HDAC9: variants seen among roughly 807,000 people sequenced by gnomAD.
HDAC9 encodes the protein histone deacetylase 9, also known as MEF-2 interacting transcription repressor (MITR) protein.
HDAC9 carries 41 observed loss-of-function variants against 139.4 expected under a neutral mutation model. That is an observed-to-expected ratio of 0.29 (90% CI 0.23 to 0.38). The LOEUF is 0.38. Among genes scored for constraint, HDAC9 ranks in the 10% least tolerant of loss-of-function variants. HDAC9 has a pLI of 1.00. For missense variants in HDAC9, 1,147 were observed against 1,297.0 expected (o/e 0.88, Z 1.78); for synonymous variants, 517 against 476.2 (o/e 1.09, Z -1.12).
At chr7:18,557,111 G>T (rs1819039125) in intron 2 of HDAC9, among the ~76,000 whole-genome samples, 1 of 151,980 alleles carries the variant, frequency 6.6e-6, no homozygotes, top group Non-Finnish European at 1.5e-5. Context: ...TATAAGTTAG[G>T]AGACAAGGTT....
chr7:18,801,671 C>T (rs184134689), intron 17 of HDAC9, among the ~76,000 whole-genome samples: 12 of 152,056 alleles, frequency 7.9e-5, no homozygotes, highest in Admixed American at 5.9e-4. Flanking sequence ...GTTTTCTCAA[C>T]GTTTGGTAAA....
At chr7:18,886,468 A>G (rs573646926) in intron 22 of HDAC9, among the ~76,000 whole-genome samples, 2 of 152,320 alleles carry the variant, frequency 1.3e-5, no homozygotes, top group South Asian at 4.1e-4. Flanking sequence ...ACTTTTTCAT[A>G]TTTTGACATA....
upstream of HDAC9, among the ~76,000 whole-genome samples, chr7:18,493,849 C>T (rs547955899): frequency 4.3e-4 from 65 of 151,924 alleles, no homozygotes; most frequent in Non-Finnish European, 8.1e-4. Context: ...TGGAGCTCCC[C>T]TGGTTCCACG....
intron 12 of HDAC9, among the ~76,000 whole-genome samples, chr7:18,711,522 G>C (rs938483738): frequency 3.9e-5 from 6 of 152,146 alleles, no homozygotes; most frequent in South Asian, 2.1e-4. Context: ...TCTTCCTCGA[G>C]GGAGTCTTGC....
chr7:18,662,915 G>A (rs140863590), intron 11 of HDAC9, among the ~76,000 whole-genome samples: 3 of 152,018 alleles, frequency 2.0e-5, no homozygotes, highest in Non-Finnish European at 2.9e-5. Flanking sequence ...AGCTGCTTGG[G>A]TTTGGCAGAG....
At chr7:18,287,049 C>A (rs1447843382), upstream of HDAC9, among the ~76,000 whole-genome samples, 1 of 152,102 alleles carries the variant, frequency 6.6e-6, no homozygotes, top group Non-Finnish European at 1.5e-5. Flanking sequence ...TACATCTGAT[C>A]TTTAACTAGT....
At chr7:18,296,257 T>A (rs1190951617) in intron 1 of HDAC9, among the ~76,000 whole-genome samples, 1 of 152,232 alleles carries the variant, frequency 6.6e-6, no homozygotes, top group Non-Finnish European at 1.5e-5. Context: ...GGCTTCCTTA[T>A]GCAAAGTTAG....
At chr7:18,880,269 A>G (rs1020737613) in intron 22 of HDAC9, among the ~76,000 whole-genome samples, 2 of 152,196 alleles carry the variant, frequency 1.3e-5, no homozygotes, top group African/African-American at 4.8e-5. Context: ...AAGAGCTAAA[A>G]GTACAACCAC....
chr7:18,727,668 G>A lies in HDAC9; in HGVS notation c.1820G>A (p.Arg607His), dbSNP rs752243588. 5 of 1,591,676 alleles carry A rather than the reference G, an allele frequency of 3.1e-6. No individual in the cohort carries two copies. Among genetic ancestry groups the A allele is most frequent in the South Asian group, 1.1e-5 (1 of 87,416 alleles). Residue 607 changes from arginine to histidine, a missense_variant, in exon 13 of 26, where the codon CGT becomes CAT. Around this residue, in one of 7 missense-constraint regions of HDAC9, gnomAD observed 256 missense variants for 219.2 expected, o/e 1.17. Coordinates refer to ENST00000686413, the MANE Select transcript of HDAC9 (RefSeq NM_178425.4). ...GGCATGGATGGATTAGAGAAACACC[G>A]TCTCGTCTCCAGGACTCACTCTTCC... ...AVGMDGLEKH[R>H]LVSRTHSSPA...
intron 8 of HDAC9, among the ~76,000 whole-genome samples, chr7:18,641,413 T>G (rs147640911): frequency 9.0e-4 from 92 of 102,546 alleles, no homozygotes; most frequent in Middle Eastern, 5.7e-3. Context: ...GCTCTTTACT[T>G]TTCTGTGCAC....
At chr7:18,830,224 T>G (rs1795760939) in intron 19 of HDAC9, among the ~76,000 whole-genome samples, 1 of 152,176 alleles carries the variant, frequency 6.6e-6, no homozygotes, top group Non-Finnish European at 1.5e-5. Flanking sequence ...GATCTGGAGA[T>G]CTGCCCCATA....
chr7:18,241,624 C>T (rs1190867782), intron 2 of HDAC9, among the ~76,000 whole-genome samples: 1 of 152,154 alleles, frequency 6.6e-6, no homozygotes, highest in African/African-American at 2.4e-5. Flanking sequence ...CAATGAAAAG[C>T]CCAAGTCAAC....
chr7:18,628,883 G>C (rs1421929895), intron 6 of HDAC9, among the ~76,000 whole-genome samples: 1 of 152,114 alleles, frequency 6.6e-6, no homozygotes. Context: ...TAAATTATAT[G>C]CTGCAGAGGT....
chr7:18,905,351 C>G (rs972569555), intron 22 of HDAC9, among the ~76,000 whole-genome samples: 6 of 152,220 alleles, frequency 3.9e-5, no homozygotes, highest in African/African-American at 1.4e-4. Context: ...AGTAGATGTT[C>G]ATTAAGACAA....
chr7:18,933,226 C>G (rs761734879), intron 22 of HDAC9, among the ~76,000 whole-genome samples: 1 of 152,156 alleles, frequency 6.6e-6, no homozygotes, highest in Non-Finnish European at 1.5e-5. Flanking sequence ...AGGTTCTGGT[C>G]AGGGCCTTCT....
chr7:18,090,505 T>A (rs1246012538), intron 1 of HDAC9, among the ~76,000 whole-genome samples: 1 of 152,232 alleles, frequency 6.6e-6, no homozygotes, highest in African/African-American at 2.4e-5. Flanking sequence ...TTCTCTGCCC[T>A]GCTGGCCTCA....
At chr7:18,715,145 A>T (rs73683147) in intron 12 of HDAC9, among the ~76,000 whole-genome samples, 2,350 of 148,544 alleles carry the variant, frequency 0.016, 62 homozygotes, top group African/African-American at 0.058. Flanking sequence ...ATTCTGACCC[A>T]CAGTGACAAG....
chr7:18,246,512 C>G (rs1019451186), intron 2 of HDAC9, among the ~76,000 whole-genome samples: 64 of 152,166 alleles, frequency 4.2e-4, no homozygotes, highest in African/African-American at 1.5e-3. Flanking sequence ...AGTCACCCCC[C>G]CATTCCCACC....
chr7:18,889,578 A>AT (rs1800491905), intron 22 of HDAC9, among the ~76,000 whole-genome samples: 1 of 152,144 alleles, frequency 6.6e-6, no homozygotes, highest in Non-Finnish European at 1.5e-5. Flanking sequence ...GCTTGTTGCT[A>AT]TAAAAAAAAG....
Sources: gnomAD v4.1 joint callset for allele counts (sites outside exome capture counted in the v4.1 genomes callset) on GRCh38, gnomAD v4.1.1 for gene constraint, gnomAD v4.1.1 regional missense constraint, MANE v1.5 for transcripts, NCBI Gene and HGNC (gene_info 2026-07-23, HGNC 2026-07-21) for gene names.